The following OXCT1 variants were observed in gnomAD, a reference collection of about 807,000 sequenced individuals.
OXCT1 encodes 3-oxoacid CoA-transferase 1, also known as succinyl-CoA:3-ketoacid coenzyme A transferase 1, mitochondrial.
In OXCT1, 27 loss-of-function variants were observed where a neutral mutation model predicts 69.6. The ratio of observed to expected loss-of-function variants is 0.39; its 90% CI spans 0.29 to 0.54. The LOEUF is 0.54. OXCT1 is among the 20% of genes least tolerant of loss of function. The probability of loss-of-function intolerance (pLI) is 0.72; values close to 1 mark genes in which losing one functional copy is unlikely to be tolerated. For missense variants in OXCT1, 437 were observed against 650.2 expected, an observed-to-expected ratio of 0.67 and a Z score of 3.57; for synonymous variants, 202 against 217.8, an observed-to-expected ratio of 0.93 and a Z score of 0.64.
At chr5:41,842,909 C>T in intron 5 of OXCT1, 128 bp from the exon 6 acceptor site, 2 of 754,826 alleles carry the variant, frequency 2.6e-6, no homozygotes, top group South Asian at 2.8e-5. Flanking sequence ...GGAAAAGCAT[C>T]CCAGAGACTT....
chr5:41,777,726 C>A (rs1380436483), intron 13 of OXCT1, among the ~76,000 whole-genome samples: 1 of 152,250 alleles, frequency 6.6e-6, no homozygotes, highest in South Asian at 2.1e-4. Context: ...ACAAAGCTTT[C>A]CAATGTGCTT....
chr5:41,818,192 G>A (rs1399354395), intron 7 of OXCT1, among the ~76,000 whole-genome samples: 1 of 152,094 alleles, frequency 6.6e-6, no homozygotes, highest in African/African-American at 2.4e-5. Flanking sequence ...GGAGAAGACA[G>A]GTAACCAGAG....
chr5:41,767,254 C>CA (rs1188733792), intron 13 of OXCT1, among the ~76,000 whole-genome samples: 3 of 151,604 alleles, frequency 2.0e-5, no homozygotes, highest in Non-Finnish European at 2.9e-5. Flanking sequence ...TTTAAAAAAC[C>CA]AAAAAAAGTT....
intron 13 of OXCT1, among the ~76,000 whole-genome samples, chr5:41,792,721 A>G (rs1006027595): frequency 3.0e-4 from 45 of 152,196 alleles, no homozygotes; most frequent in African/African-American, 1.1e-3. Context: ...CTAAACTAAC[A>G]ATATAATCCA....
At chr5:41,832,228 AC>A (rs1257548252) in intron 7 of OXCT1, among the ~76,000 whole-genome samples, 1 of 152,118 alleles carries the variant, frequency 6.6e-6, no homozygotes, top group Non-Finnish European at 1.5e-5. Context: ...CTTGGGCAAA[AC>A]CCAGTGCTGT....
In OXCT1 at chr5:41,762,033, G is replaced by T. The variant is rs1211127002; in HGVS notation, c.1338+78C>A. The T allele has an allele frequency of 3.3e-6, 3 of 913,576 alleles. No homozygotes were observed. In the Admixed American group the frequency reaches 5.1e-5, roughly 15 times the overall value. The allele number at this position is 913,576 out of a possible 1,614,324, so 56.6% of individuals were successfully genotyped here. On this transcript the variant is annotated intron_variant, in intron 14 of 16. Coordinates refer to ENST00000196371, the MANE Select transcript of OXCT1 (RefSeq NM_000436.4). This position sits in a 1 kb window ranked among gnomAD's most constrained non-coding sequence, Gnocchi z 4.0. ...CCAGAGAAAATAAAATCCACAGTTA[G>T]GTGACCTGGTGGTACACTGGGTTTT...
chr5:41,787,295 A>T (rs1745684847), intron 13 of OXCT1, among the ~76,000 whole-genome samples: 1 of 152,224 alleles, frequency 6.6e-6, no homozygotes, highest in African/African-American at 2.4e-5. Context: ...GACATGAAAA[A>T]GTGGCTTTCG....
intron 1 of OXCT1, among the ~76,000 whole-genome samples, chr5:41,863,027 T>TA (rs148061650): frequency 0.011 from 1,703 of 152,272 alleles, 30 homozygotes; most frequent in Middle Eastern, 0.034. Flanking sequence ...GAAAGTACGG[T>TA]ACAATAAGAT....
At chr5:41,746,202 C>A (rs964653372) in intron 15 of OXCT1, among the ~76,000 whole-genome samples, 2 of 152,122 alleles carry the variant, frequency 1.3e-5, no homozygotes, top group Admixed American at 1.3e-4. Flanking sequence ...GCTTATCCAC[C>A]ATGATCAAGT....
At chr5:41,854,661 TTTTTAATGGTGAAATTG>T (rs1288241822) in intron 3 of OXCT1, among the ~76,000 whole-genome samples, 9 of 152,262 alleles carry the variant, frequency 5.9e-5, no homozygotes, top group African/African-American at 2.2e-4. Context: ...GGCGAAATAT[TTTTTAATGGTGAAATTG>T]TTTTAATGGG....
rs138033505 is a variant in OXCT1, at chr5:41,733,736, T to C, written c.1522-1966A>G. Among the ~76,000 whole-genome samples the C allele has an allele frequency of 3.8e-3, 578 of 152,326 alleles. 1 individual carries two copies. Among genetic ancestry groups the C allele is most frequent in the African/African-American group, 7.7e-3 (320 of 41,582 alleles). ...GTGAAAAATGACATCAAAAATAAGATAACGCTTTATATAGACTGACTTTGC... is the reference window on the plus strand; with the variant it reads ...GTGAAAAATGACATCAAAAATAAGACAACGCTTTATATAGACTGACTTTGC... On this transcript the variant is annotated intron_variant, in intron 16 of 16. Coordinates refer to ENST00000196371, the MANE Select transcript of OXCT1 (RefSeq NM_000436.4).
intron 13 of OXCT1, among the ~76,000 whole-genome samples, chr5:41,780,599 T>A (rs746709827): frequency 2.0e-4 from 31 of 152,326 alleles, no homozygotes; most frequent in Admixed American, 1.2e-3. Flanking sequence ...AGAATTTTTT[T>A]AAAATTATTA....
At chr5:41,738,145 A>G (rs1742983627) in intron 16 of OXCT1, among the ~76,000 whole-genome samples, 1 of 152,252 alleles carries the variant, frequency 6.6e-6, no homozygotes, top group Admixed American at 6.5e-5. Context: ...GACTTATCAA[A>G]TAACTTTTGT....
chr5:41,775,240 C>T (rs1228970811), intron 13 of OXCT1, among the ~76,000 whole-genome samples: 1 of 152,052 alleles, frequency 6.6e-6, no homozygotes, highest in Non-Finnish European at 1.5e-5. Context: ...AACTGCTCCC[C>T]ATTTCAAACC....
chr5:41,864,307 A>G (rs1749867919), intron 1 of OXCT1, among the ~76,000 whole-genome samples: 1 of 152,202 alleles, frequency 6.6e-6, no homozygotes, highest in African/African-American at 2.4e-5. Flanking sequence ...CCACTGCCTA[A>G]CAGTCTCCCA....
intron 6 of OXCT1, among the ~76,000 whole-genome samples, chr5:41,842,182 T>C (rs1748656566): frequency 6.6e-6 from 1 of 152,210 alleles, no homozygotes; most frequent in South Asian, 2.1e-4. Flanking sequence ...TTCAGTATTA[T>C]AAAGGTTAAT....
chr5:41,804,047 G>A (rs1044130696), intron 9 of OXCT1, among the ~76,000 whole-genome samples: 1 of 152,046 alleles, frequency 6.6e-6, no homozygotes, highest in Non-Finnish European at 1.5e-5. Context: ...CAAGGCCAGA[G>A]GAGGTTTATA....
At chr5:41,861,263 T>C (rs1749719220) in intron 3 of OXCT1, 51 bp downstream of exon 3, 1 of 1,108,430 alleles carries the variant, frequency 9.0e-7, no homozygotes, top group Non-Finnish European at 1.4e-6. Context: ...TGTTTAAATA[T>C]TAAGAATTGG....
At chr5:41,860,027 C>G (rs75447004) in intron 3 of OXCT1, among the ~76,000 whole-genome samples, 2,144 of 151,446 alleles carry the variant, frequency 0.014, 99 homozygotes, top group South Asian at 0.079. Context: ...TGTAGTATCC[C>G]TTATAAGCAT....
Sources: allele counts gnomAD v4.1 joint callset (sites outside exome capture counted in the v4.1 genomes callset), GRCh38; gene constraint gnomAD v4.1.1; non-coding constraint Gnocchi (gnomAD v3.1); transcripts MANE v1.5; gene names NCBI Gene and HGNC (gene_info 2026-07-23, HGNC 2026-07-21).